The following DPYSL3 variants were observed in gnomAD, a reference collection of about 807,000 sequenced individuals.
The protein encoded by DPYSL3 is dihydropyrimidinase-related protein 3.
A neutral mutation model predicts 66.1 loss-of-function variants in DPYSL3; 16 were observed. The ratio of observed to expected loss-of-function variants is 0.24; its 90% CI spans 0.16 to 0.37. The LOEUF is 0.37. Among genes scored for constraint, DPYSL3 ranks in the 10% least tolerant of loss-of-function variants. The probability of loss-of-function intolerance (pLI) is 1.00; values close to 1 mark genes in which losing one functional copy is unlikely to be tolerated. For missense variants in DPYSL3, 738 were observed against 916.2 expected, an observed-to-expected ratio of 0.81 and a Z score of 2.51; for synonymous variants, 338 against 345.1, an observed-to-expected ratio of 0.98 and a Z score of 0.23.
chr5:147,408,666 C>G lies in DPYSL3; in HGVS notation c.1032+62G>C, dbSNP rs1006994935. On this transcript the variant is annotated intron_variant, in intron 7 of 13. Coordinates refer to ENST00000343218, the MANE Select transcript of DPYSL3 (RefSeq NM_001197294.2). The stretch of plus-strand genomic sequence containing the variant: ...TACTGCAACCTGGTACTCACATTCT[C>G]GTCGCCTTTTAACAATGTTTATTCA... 4.1e-5 allele frequency: 64 copies of G among 1,558,782 alleles called. No homozygotes were observed. The Admixed American group carries it at 1.1e-3, about 26-fold the overall frequency.
chr5:147,415,923 C>T, intron 3 of DPYSL3, 50 bp from the exon 4 acceptor site: 1 of 1,590,932 alleles, frequency 6.3e-7, no homozygotes, highest in Non-Finnish European at 8.6e-7. Context: ...AGCCTTTGCT[C>T]CCCTCTGCCC....
chr5:147,496,734 A>G (rs1245466380), intron 1 of DPYSL3, among the ~76,000 whole-genome samples: 2 of 151,998 alleles, frequency 1.3e-5, no homozygotes, highest in Non-Finnish European at 2.9e-5. Context: ...GGCGATCATT[A>G]AAAAGTCAGG....
At chr5:147,451,892 G>C (rs900978952) in intron 1 of DPYSL3, among the ~76,000 whole-genome samples, 1 of 151,900 alleles carries the variant, frequency 6.6e-6, no homozygotes, top group Non-Finnish European at 1.5e-5. Flanking sequence ...GGAAAGACAA[G>C]ACAGTCAGCA....
chr5:147,485,459 T>G (rs961184122), intron 1 of DPYSL3, among the ~76,000 whole-genome samples: 3 of 152,234 alleles, frequency 2.0e-5, no homozygotes, highest in South Asian at 2.1e-4. Flanking sequence ...TAGAGTACTT[T>G]CCATCATATG....
Position 147,393,735 on chromosome 5 carries a change from C to G in DPYSL3, c.*300G>C, listed in dbSNP as rs1757884392. The G allele has an allele frequency of 5.7e-6, 2 of 352,398 alleles. No individual in the cohort carries two copies. Among genetic ancestry groups the G allele is most frequent in the Non-Finnish European group, 1.1e-5 (2 of 186,264 alleles). The allele number at this position is 352,398 out of a possible 1,614,324, so 21.8% of individuals were successfully genotyped here. A position where few individuals can be genotyped will look rare whatever the true frequency, so the allele number is the denominator to read the frequency against. Reference sequence around the variant, plus strand: ...CCCCTTGTCATAAGATGCAGCACTACACACGCTCTCAACACTATGATAGAG... The same window carrying G: ...CCCCTTGTCATAAGATGCAGCACTAGACACGCTCTCAACACTATGATAGAG... On this transcript the variant is annotated 3_prime_UTR_variant, in exon 14 of 14. Coordinates refer to ENST00000343218, the MANE Select transcript of DPYSL3 (RefSeq NM_001197294.2).
At chr5:147,452,388 C>A (rs370596882) in intron 1 of DPYSL3, among the ~76,000 whole-genome samples, 1 of 152,108 alleles carries the variant, frequency 6.6e-6, no homozygotes, top group East Asian at 1.9e-4. Flanking sequence ...GCCAGCTGAT[C>A]ACTTCCTTTG....
intron 3 of DPYSL3, among the ~76,000 whole-genome samples, chr5:147,417,431 T>C (rs184925124): frequency 1.3e-5 from 2 of 152,312 alleles, no homozygotes; most frequent in East Asian, 3.9e-4. Flanking sequence ...AATTGCACCT[T>C]TTATGGCTTT....
At position 147,395,591 on chromosome 5, in the gene DPYSL3, C is replaced by T; in HGVS notation, c.1934G>A (p.Arg645Lys). Reference sequence around the variant, plus strand: ...GCTAAATCCCGACTGATGAAGATTCCTCACAGGTGGGTTCGGCCGAGTAGG... The same window carrying T: ...GCTAAATCCCGACTGATGAAGATTCTTCACAGGTGGGTTCGGCCGAGTAGG... ...GSPTRPNPPVRNLHQSGFSLS... is the reference protein window; with the variant it reads ...GSPTRPNPPVKNLHQSGFSLS... The change falls in exon 13 of 14, where the codon AGG becomes AAG. Residue 645 changes from arginine (R) to lysine (K), a missense_variant. Arg to Lys is a conservative substitution (Grantham distance 26, BLOSUM62 2). Coordinates refer to ENST00000343218, the MANE Select transcript of DPYSL3 (RefSeq NM_001197294.2). 2 of 1,613,738 alleles carry T rather than the reference C, an allele frequency of 1.2e-6. No homozygotes were observed. Among genetic ancestry groups the T allele is most frequent in the Non-Finnish European group, 1.7e-6 (2 of 1,179,894 alleles).
intron 11 of DPYSL3, among the ~76,000 whole-genome samples, chr5:147,398,175 G>A (rs574922207): frequency 6.6e-6 from 1 of 152,334 alleles, no homozygotes; most frequent in East Asian, 1.9e-4. Flanking sequence ...GGTGGGCAGA[G>A]AGGTTATGTG....
rs1198083151 is a variant in DPYSL3, at chr5:147,509,522, C to G, written c.337G>C (p.Ala113Pro). 9 of 1,533,422 alleles carry G rather than the reference C, an allele frequency of 5.9e-6. No homozygotes were observed. The highest frequency in any genetic ancestry group is 7.9e-6 in the Non-Finnish European group (9 of 1,145,612). The allele number at this position is 1,533,422 out of a possible 1,614,324, so 95.0% of individuals were successfully genotyped here. A position where few individuals can be genotyped will look rare whatever the true frequency, so the allele number is the denominator to read the frequency against. Residue 113 changes from alanine to proline, a missense_variant, in exon 1 of 14, where the codon GCC becomes CCC. Transcript: ENST00000343218. The surrounding 1 kb of genome is among the most constrained non-coding windows in gnomAD (Gnocchi z 5.3). ...PAPAGVEIRS[A>P]TGKEVLQNLG... is the part of the protein sequence containing the mutation. ...TTCTGCAACACCTCTTTGCCGGTGGCGCTCCGGATCTCTACCCCGGCGGGG... is the reference window on the plus strand; with the variant it reads ...TTCTGCAACACCTCTTTGCCGGTGGGGCTCCGGATCTCTACCCCGGCGGGG...
At chr5:147,421,013 A>G (rs1025591466) in intron 2 of DPYSL3, among the ~76,000 whole-genome samples, 13 of 152,222 alleles carry the variant, frequency 8.5e-5, no homozygotes, top group African/African-American at 3.1e-4. Flanking sequence ...AGTTCTGGCC[A>G]GGGAAATCAG....
chr5:147,435,393 T>C (rs1752397776), intron 1 of DPYSL3, among the ~76,000 whole-genome samples: 1 of 152,208 alleles, frequency 6.6e-6, no homozygotes, highest in Non-Finnish European at 1.5e-5. Flanking sequence ...CCTATTGCAT[T>C]GATGAAGACA....
At chr5:147,466,447 C>T (rs548108738) in intron 1 of DPYSL3, among the ~76,000 whole-genome samples, 1 of 152,348 alleles carries the variant, frequency 6.6e-6, no homozygotes, top group African/African-American at 2.4e-5. Context: ...CCTCACTCCA[C>T]CAGCACTGAG....
intron 10 of DPYSL3, 55 bp from the exon 11 acceptor site, chr5:147,399,307 AG>A (rs1362055106): frequency 6.4e-7 from 1 of 1,550,400 alleles, no homozygotes; most frequent in African/African-American, 1.4e-5. Flanking sequence ...ATATCAATTC[AG>A]GGCTTCTGAA....
chr5:147,463,872 G>A (rs1339978530), intron 1 of DPYSL3, among the ~76,000 whole-genome samples: 1 of 152,106 alleles, frequency 6.6e-6, no homozygotes, highest in African/African-American at 2.4e-5. Flanking sequence ...AAGGCACAGG[G>A]ATTAATTTTT....
At chr5:147,469,451 T>C (rs1753054126) in intron 1 of DPYSL3, among the ~76,000 whole-genome samples, 1 of 152,168 alleles carries the variant, frequency 6.6e-6, no homozygotes, top group Admixed American at 6.5e-5. Context: ...CTCTATAAAA[T>C]AGGGATAATA....
At chr5:147,414,587 A>G (rs577815921) in intron 4 of DPYSL3, among the ~76,000 whole-genome samples, 19 of 152,318 alleles carry the variant, frequency 1.2e-4, no homozygotes, top group African/African-American at 4.3e-4. Flanking sequence ...CCTTCCCAAA[A>G]GCCTCTACAT....
At chr5:147,506,660 A>G (rs914732534) in intron 1 of DPYSL3, among the ~76,000 whole-genome samples, 1 of 152,176 alleles carries the variant, frequency 6.6e-6, no homozygotes, top group Non-Finnish European at 1.5e-5. Flanking sequence ...GCCCTCATAC[A>G]TGTAACGGGC....
intron 7 of DPYSL3, 61 bp downstream of exon 7, chr5:147,408,667 G>T: frequency 6.4e-7 from 1 of 1,560,596 alleles, no homozygotes; most frequent in Non-Finnish European, 8.8e-7. Context: ...TCACATTCTC[G>T]TCGCCTTTTA....
Sources: gnomAD v4.1 joint callset for allele counts (sites outside exome capture counted in the v4.1 genomes callset) on GRCh38, gnomAD v4.1.1 for gene constraint, Gnocchi (gnomAD v3.1) non-coding constraint, MANE v1.5 for transcripts, NCBI Gene and HGNC (gene_info 2026-07-23, HGNC 2026-07-21) for gene names.